The following RALGPS1 variants were observed in gnomAD, a reference collection of about 807,000 sequenced individuals.
RALGPS1 encodes the protein Ral GEF with PH domain and SH3 binding motif 1, also known as ras-specific guanine nucleotide-releasing factor RalGPS1.
A neutral mutation model predicts 78.8 loss-of-function variants in RALGPS1; 19 were observed. The ratio of observed to expected loss-of-function variants is 0.24; its 90% CI spans 0.17 to 0.35. The LOEUF (loss-of-function observed/expected upper bound fraction) is 0.35. Ranked by LOEUF, RALGPS1 falls within the 10% of genes least tolerant of loss-of-function variation. The pLI is 1.00. For synonymous variants in RALGPS1, 228 were observed against 256.3 expected (o/e 0.89, Z 1.06); for missense variants, 454 against 688.3 (o/e 0.66, Z 3.81).
chr9:126,928,209 G>A (rs918465088), intron 1 of RALGPS1, among the ~76,000 whole-genome samples: 1 of 152,174 alleles, frequency 6.6e-6, no homozygotes, highest in African/African-American at 2.4e-5. Context: ...TCAATCCTAA[G>A]ACCTGGAGTG....
chr9:126,965,857 C>T lies in RALGPS1; in HGVS notation c.71C>T (p.Ser24Leu), dbSNP rs755182642. ...TSATPQGSSS[S>L]DSLEGQSCDY... ...TGCTCTCCACAGGGCAGCAGCAGCT[C>T]GGACTCTCTGGAGGGCCAGAGCTGC... is the stretch of plus-strand genomic sequence containing the variant. Residue 24 changes from serine to leucine, a missense_variant, in exon 3 of 19, where the codon TCG (serine) becomes TTG (leucine). Physicochemically the swap from Ser to Leu is moderately radical, Grantham distance 145. Transcript: ENST00000259351. 1.6e-5 allele frequency: 26 copies of T among 1,613,872 alleles called. No individual in the cohort carries two copies. Among genetic ancestry groups the T allele is most frequent in the Non-Finnish European group, 2.1e-5 (25 of 1,179,884 alleles).
chr9:126,946,409 C>T (rs985042262), intron 1 of RALGPS1, among the ~76,000 whole-genome samples: 1 of 151,958 alleles, frequency 6.6e-6, no homozygotes, highest in Non-Finnish European at 1.5e-5. Flanking sequence ...TGGCACACAC[C>T]TGTAATCCCA....
At chr9:126,968,410 A>C (rs2039755605) in intron 3 of RALGPS1, among the ~76,000 whole-genome samples, 1 of 152,238 alleles carries the variant, frequency 6.6e-6, no homozygotes, top group Non-Finnish European at 1.5e-5. Context: ...TTATATAGCC[A>C]GGTATTGGCA....
intron 12 of RALGPS1, 122 bp from the exon 13 acceptor site, chr9:127,196,352 G>T: frequency 9.2e-7 from 1 of 1,090,882 alleles, no homozygotes; most frequent in Non-Finnish European, 1.3e-6. Flanking sequence ...GGGCTGTACC[G>T]TGGCTCTGGG....
intron 10 of RALGPS1, 109 bp from the exon 11 acceptor site, chr9:127,174,604 ATC>A: frequency 1.1e-6 from 1 of 916,370 alleles, no homozygotes; most frequent in Non-Finnish European, 1.8e-6. Context: ...TCTGGAGCAG[ATC>A]TCACAGTATT....
intron 8 of RALGPS1, among the ~76,000 whole-genome samples, chr9:127,109,015 G>A (rs930716020): frequency 6.6e-6 from 1 of 152,170 alleles, no homozygotes; most frequent in African/African-American, 2.4e-5. Context: ...GGCATCTGAA[G>A]GCAGGAGGCC....
chr9:127,166,266 A>G, intron 9 of RALGPS1, 60 bp downstream of exon 9: 1 of 1,589,696 alleles, frequency 6.3e-7, no homozygotes. Context: ...GGGTCTTACC[A>G]GTGAGAAAGC....
intron 1 of RALGPS1, among the ~76,000 whole-genome samples, chr9:126,950,005 G>A (rs1359094634): frequency 6.6e-6 from 1 of 152,098 alleles, no homozygotes; most frequent in African/African-American, 2.4e-5. Context: ...GTGTAAGGAA[G>A]GGATCCAGTT....
At chr9:127,093,611 G>T (rs980707014) in intron 8 of RALGPS1, 4 of 1,228,964 alleles carry the variant, frequency 3.3e-6, no homozygotes, top group Admixed American at 4.4e-5. Context: ...TGTTGGGGCC[G>T]CACAGGCCTG....
At chr9:127,075,037 G>C (rs1031370501) in intron 8 of RALGPS1, among the ~76,000 whole-genome samples, 2 of 152,252 alleles carry the variant, frequency 1.3e-5, no homozygotes, top group Non-Finnish European at 2.9e-5. Context: ...TGGTCAGCCT[G>C]TGCCAGCCTT....
At chr9:126,992,398 A>G (rs2042359794) in intron 4 of RALGPS1, among the ~76,000 whole-genome samples, 1 of 152,212 alleles carries the variant, frequency 6.6e-6, no homozygotes, top group African/African-American at 2.4e-5. Flanking sequence ...CCTCTTTGCA[A>G]TCCTTTCCTC....
chr9:127,178,028 C>T, intron 11 of RALGPS1: 1 of 1,511,524 alleles, frequency 6.6e-7, no homozygotes, highest in South Asian at 1.2e-5. Flanking sequence ...GGCGAGGCAC[C>T]CATGGGCCGG....
intron 8 of RALGPS1, chr9:127,108,669 T>C (rs1288048120): frequency 6.2e-7 from 1 of 1,613,504 alleles, no homozygotes; most frequent in African/African-American, 1.3e-5. Context: ...CCTCCTGGCC[T>C]GCAACAGCTC....
chr9:127,142,429 G>A (rs1413497266), intron 8 of RALGPS1, among the ~76,000 whole-genome samples: 1 of 152,164 alleles, frequency 6.6e-6, no homozygotes, highest in Non-Finnish European at 1.5e-5. Context: ...TAATTGTTTG[G>A]ATGAAGAGGA....
chr9:126,977,590 A>T, intron 3 of RALGPS1, 105 bp from the exon 4 acceptor site: 1 of 685,806 alleles, frequency 1.5e-6, no homozygotes, highest in Non-Finnish European at 2.3e-6. Flanking sequence ...TTTATCTCAA[A>T]GGGGAAAGTA....
At chr9:127,143,804 A>G (rs2057930607) in intron 8 of RALGPS1, among the ~76,000 whole-genome samples, 1 of 152,232 alleles carries the variant, frequency 6.6e-6, no homozygotes, top group African/African-American at 2.4e-5. Context: ...TCCCACTGAA[A>G]ACAACCCTTC....
chr9:127,039,471 G>C (rs1195171899), intron 5 of RALGPS1, among the ~76,000 whole-genome samples: 3 of 152,188 alleles, frequency 2.0e-5, no homozygotes, highest in Non-Finnish European at 4.4e-5. Context: ...TCCAAGGGGA[G>C]CTGAGAAGGG....
At chr9:127,078,171 G>A (rs768486908) in intron 8 of RALGPS1, among the ~76,000 whole-genome samples, 2 of 152,112 alleles carry the variant, frequency 1.3e-5, no homozygotes, top group Non-Finnish European at 2.9e-5. Flanking sequence ...TCTCAAAGAC[G>A]CTATCCCATC....
intron 8 of RALGPS1, among the ~76,000 whole-genome samples, chr9:127,110,215 T>G (rs1356932495): frequency 6.6e-6 from 1 of 152,194 alleles, no homozygotes. Context: ...TCATTCTAGG[T>G]TGCCCTAGAC....
Sources: gnomAD v4.1 joint callset for allele counts (sites outside exome capture counted in the v4.1 genomes callset) on GRCh38, gnomAD v4.1.1 for gene constraint, MANE v1.5 for transcripts, NCBI Gene and HGNC (gene_info 2026-07-23, HGNC 2026-07-21) for gene names.